Variants in FLI1 observed in about 807,000 individuals in gnomAD.
FLI1 encodes the protein Fli-1 proto-oncogene, ETS transcription factor.
A neutral mutation model predicts 53.1 loss-of-function variants in FLI1; 13 were observed. The observed-to-expected ratio is 0.24, with a 90% CI of 0.16 to 0.39. FLI1 has a LOEUF of 0.39. FLI1 is among the 10% of genes least tolerant of loss of function. FLI1 has a pLI of 1.00. For missense variants in FLI1, 424 were observed against 600.5 expected (o/e 0.71, Z 3.07); for synonymous variants, 244 against 236.7 (o/e 1.03, Z -0.28).
intron 4 of FLI1, among the ~76,000 whole-genome samples, chr11:128,778,087 T>C (rs1941797005): frequency 6.6e-6 from 1 of 152,220 alleles, no homozygotes. Flanking sequence ...TACTTTATGC[T>C]TTTTAGAGCA....
chr11:128,772,936 C>A lies in FLI1; in HGVS notation c.540C>A (p.Thr180=), dbSNP rs1467300409. The change falls in exon 4 of 9, where the codon ACC becomes ACA. Residue 180 remains threonine, a synonymous_variant. Coordinates refer to ENST00000527786, the MANE Select transcript of FLI1 (RefSeq NM_002017.5). ...AGGAGGACTTCCTCCGCGCCACCACCCTCTACAACACGGAAGTGCTGTTGT... is the reference window on the plus strand; with the variant it reads ...AGGAGGACTTCCTCCGCGCCACCACACTCTACAACACGGAAGTGCTGTTGT... ...MNKEDFLRAT[T]LYNTEVLLSH... is the part of the protein sequence containing the mutation. 1 of 1,614,004 alleles carries A rather than the reference C, an allele frequency of 6.2e-7. No homozygotes were observed. The highest frequency in any genetic ancestry group is 1.1e-5 in the South Asian group (1 of 91,088).
At chr11:128,709,784 G>A (rs918707542) in intron 1 of FLI1, among the ~76,000 whole-genome samples, 2 of 152,070 alleles carry the variant, frequency 1.3e-5, no homozygotes, top group Admixed American at 6.5e-5. Flanking sequence ...ATACATCTAC[G>A]CCACCTCTTC....
chr11:128,784,257 C>CTCT (rs1942015924), intron 5 of FLI1, among the ~76,000 whole-genome samples: 1 of 111,764 alleles, frequency 8.9e-6, no homozygotes, highest in Admixed American at 1.0e-4. Context: ...CCTCCTCCTC[C>CTCT]TCCTCCTCCT....
rs79110369 is a variant in FLI1, at chr11:128,717,508, C to T, written c.18+23232C>T. ...GGCATGTAGGTGCTGAGGGTCTACC[C>T]CAAAGGGCAGTTTGGGACTGCAGGG... On this transcript the variant is annotated intron_variant, in intron 1 of 8. Transcript: ENST00000527786. 6.1e-3 allele frequency among the ~76,000 whole-genome samples: 930 copies of T among 152,246 alleles called. 8 individuals carry two copies. The highest frequency in any genetic ancestry group is 0.021 in the African/African-American group (866 of 41,536).
intron 1 of FLI1, among the ~76,000 whole-genome samples, chr11:128,714,657 G>A (rs1938927694): frequency 6.6e-6 from 1 of 150,936 alleles, no homozygotes; most frequent in Non-Finnish European, 1.5e-5. Context: ...TGATGATGAT[G>A]GTTACTGAGT....
At chr11:128,802,757 CTGA>C (rs1942670974) in intron 5 of FLI1, among the ~76,000 whole-genome samples, 1 of 152,256 alleles carries the variant, frequency 6.6e-6, no homozygotes, top group African/African-American at 2.4e-5. Context: ...AGCCACTGCT[CTGA>C]TAAGGCATGC....
intron 4 of FLI1, among the ~76,000 whole-genome samples, chr11:128,781,617 G>A (rs933735260): frequency 1.3e-5 from 2 of 152,142 alleles, no homozygotes; most frequent in African/African-American, 4.8e-5. Flanking sequence ...AATAGACCCG[G>A]GTTTACTGAT....
chr11:128,694,361 CG>C, intron 1 of FLI1, 85 bp downstream of exon 1: 1 of 1,093,340 alleles, frequency 9.1e-7, no homozygotes, highest in Non-Finnish European at 1.2e-6. Context: ...GCCCGCGTCC[CG>C]GAAGACGTGG....
intron 5 of FLI1, among the ~76,000 whole-genome samples, chr11:128,789,366 G>A (rs922599551): frequency 1.2e-4 from 19 of 152,124 alleles, no homozygotes; most frequent in Non-Finnish European, 1.9e-4. Flanking sequence ...GCGAAGGAGC[G>A]GAGAGCCAGG....
At chr11:128,732,332 A>G (rs1939734995) in intron 1 of FLI1, among the ~76,000 whole-genome samples, 1 of 152,222 alleles carries the variant, frequency 6.6e-6, no homozygotes, top group South Asian at 2.1e-4. Context: ...GGCAGACAGA[A>G]CCAACGTGAG....
chr11:128,792,374 GCAAT>G (rs1453896367), intron 5 of FLI1, among the ~76,000 whole-genome samples: 1 of 152,166 alleles, frequency 6.6e-6, no homozygotes, highest in African/African-American at 2.4e-5. Context: ...CTGACCCAGT[GCAAT>G]CAATCTTATT....
At chr11:128,781,699 A>C (rs908079207) in intron 4 of FLI1, among the ~76,000 whole-genome samples, 1 of 152,204 alleles carries the variant, frequency 6.6e-6, no homozygotes, top group African/African-American at 2.4e-5. Flanking sequence ...ATGGCAGCTT[A>C]GGGGGCGTGG....
At chr11:128,787,722 A>G (rs927121870) in intron 5 of FLI1, among the ~76,000 whole-genome samples, 5 of 152,224 alleles carry the variant, frequency 3.3e-5, no homozygotes, top group Non-Finnish European at 7.3e-5. Flanking sequence ...AATAAAAGTT[A>G]TAATAAGGAT....
chr11:128,699,081 A>C (rs1938211654), intron 1 of FLI1, among the ~76,000 whole-genome samples: 1 of 152,208 alleles, frequency 6.6e-6, no homozygotes, highest in South Asian at 2.1e-4. Context: ...TAATAATGGA[A>C]TATTGGACTA....
chr11:128,737,037 G>A (rs1411815667), intron 1 of FLI1, among the ~76,000 whole-genome samples: 1 of 152,218 alleles, frequency 6.6e-6, no homozygotes. Context: ...ATATATTTCT[G>A]TGAAAGAATA....
chr11:128,705,155 T>A (rs76600889), intron 1 of FLI1, among the ~76,000 whole-genome samples: 2,496 of 152,316 alleles, frequency 0.016, 74 homozygotes, highest in African/African-American at 0.056. Flanking sequence ...ATGGGGACCA[T>A]GTAGGTTTTG....
At chr11:128,787,452 C>T (rs1942124148) in intron 5 of FLI1, among the ~76,000 whole-genome samples, 1 of 152,180 alleles carries the variant, frequency 6.6e-6, no homozygotes, top group African/African-American at 2.4e-5. Context: ...TCTCAGCATA[C>T]TTGATTCAAG....
rs1941926806 is a variant in FLI1 at position 128,781,903 on chromosome 11, C to T, written c.590-55C>T. The stretch of plus-strand genomic sequence containing the variant: ...TACTCCCTCCTCATGTCATCTCCTA[C>T]TCTTGATCTCAGAAGAACATTTTGG... On this transcript the variant is annotated intron_variant, in intron 4 of 8. Coordinates refer to ENST00000527786, the MANE Select transcript of FLI1 (RefSeq NM_002017.5). 2.2e-6 allele frequency: 3 copies of T among 1,395,024 alleles called. No individual in the cohort carries two copies. In the South Asian group the frequency reaches 3.5e-5, roughly 16 times the overall value. The allele number at this position is 1,395,024 out of a possible 1,614,324, so 86.4% of individuals were successfully genotyped here. A position where few individuals can be genotyped will look rare whatever the true frequency, so the allele number is the denominator to read the frequency against.
chr11:128,772,059 CACACACACACACACACACAT>C (rs1440479877), intron 3 of FLI1, among the ~76,000 whole-genome samples: 1 of 150,816 alleles, frequency 6.6e-6, no homozygotes, highest in African/African-American at 2.5e-5. Flanking sequence ...CACACACACA[CACACACACACACACACACAT>C]ACACACACTG....
Sources: allele counts gnomAD v4.1 joint callset (sites outside exome capture counted in the v4.1 genomes callset), GRCh38; gene constraint gnomAD v4.1.1; transcripts MANE v1.5; gene names NCBI Gene and HGNC (gene_info 2026-07-23, HGNC 2026-07-21).